DIAPH2: variants seen among roughly 807,000 people sequenced by gnomAD.
DIAPH2 encodes the protein protein diaphanous homolog 2.
A neutral mutation model predicts 92.7 loss-of-function variants in DIAPH2; 35 were observed. The observed-to-expected ratio is 0.38, with a 90% confidence interval of 0.29 to 0.50. The LOEUF (loss-of-function observed/expected upper bound fraction) is 0.50, where lower values mean the gene tolerates loss of function less well. Ranked by LOEUF, DIAPH2 falls within the 20% of genes least tolerant of loss-of-function variation. DIAPH2 has a pLI of 0.94. For synonymous variants in DIAPH2, 301 were observed against 280.4 expected (o/e 1.07, Z -0.73); for missense variants, 701 against 819.5 (o/e 0.86, Z 1.77).
chrX:97,421,483 C>T (rs1374928426), intron 25 of DIAPH2, among the ~76,000 whole-genome samples: 1 of 111,715 alleles, frequency 9.0e-6, no homozygotes, highest in East Asian at 2.8e-4. Flanking sequence ...GAATCTAGCA[C>T]TGGTTTTTCT....
At chrX:97,435,341 A>G (rs1377818874) in intron 26 of DIAPH2, among the ~76,000 whole-genome samples, 1 of 111,490 alleles carries the variant, frequency 9.0e-6, no homozygotes, top group Non-Finnish European at 1.9e-5. Context: ...TACAAAATCA[A>G]ACGGGAGCCT....
chrX:97,294,856 G>C (rs957413896), intron 23 of DIAPH2, among the ~76,000 whole-genome samples: 10 of 111,528 alleles, frequency 9.0e-5, no homozygotes, highest in Admixed American at 3.9e-4. Context: ...TCTTGCTTTT[G>C]TGTACGAAAC....
intron 4 of DIAPH2, among the ~76,000 whole-genome samples, chrX:96,791,441 G>A (rs1264848099): frequency 9.1e-6 from 1 of 110,491 alleles, no homozygotes; most frequent in Non-Finnish European, 1.9e-5. Flanking sequence ...GGGAGGCTGA[G>A]GCATGAGGAT....
At chrX:96,713,297 T>TTG (rs1192325960) in intron 1 of DIAPH2, among the ~76,000 whole-genome samples, 1 of 111,129 alleles carries the variant, frequency 9.0e-6, no homozygotes, top group Non-Finnish European at 1.9e-5. Flanking sequence ...GCCTCAAGGA[T>TTG]TGTGTGTGTG....
chrX:97,028,215 G>A (rs965601447), intron 17 of DIAPH2, among the ~76,000 whole-genome samples: 2 of 110,715 alleles, frequency 1.8e-5, no homozygotes, highest in African/African-American at 6.6e-5. Context: ...TCAATATGAT[G>A]TCAATATCCA....
At chrX:97,485,513 A>G (rs750891601) in intron 26 of DIAPH2, among the ~76,000 whole-genome samples, 1 of 112,866 alleles carries the variant, frequency 8.9e-6, no homozygotes, top group Non-Finnish European at 1.9e-5. Flanking sequence ...TGAAAATGTT[A>G]TCAACTTTTG....
At chrX:97,218,281 G>A (rs756356847) in intron 22 of DIAPH2, among the ~76,000 whole-genome samples, 1 of 110,304 alleles carries the variant, frequency 9.1e-6, no homozygotes, top group East Asian at 2.9e-4. Context: ...GTAGAGACAG[G>A]GTTTCACCAT....
intron 23 of DIAPH2, among the ~76,000 whole-genome samples, chrX:97,265,195 A>C (rs991542799): frequency 9.0e-6 from 1 of 111,633 alleles, no homozygotes; most frequent in Admixed American, 9.6e-5. Flanking sequence ...CTCTCTCACT[A>C]TGAAGCTGGG....
At chrX:96,938,112 A>G (rs1322848190) in intron 11 of DIAPH2, among the ~76,000 whole-genome samples, 1 of 110,471 alleles carries the variant, frequency 9.1e-6, no homozygotes, top group African/African-American at 3.3e-5. Flanking sequence ...TGGAAGTAAT[A>G]TTCCCCTCCT....
chrX:97,169,268 G>A (rs887086794), intron 22 of DIAPH2, among the ~76,000 whole-genome samples: 2 of 111,724 alleles, frequency 1.8e-5, no homozygotes, highest in African/African-American at 6.5e-5. Flanking sequence ...GCAAGAGGAA[G>A]CGTATTAGGA....
At chrX:97,487,698 A>G (rs1241438361) in intron 26 of DIAPH2, among the ~76,000 whole-genome samples, 2 of 111,670 alleles carry the variant, frequency 1.8e-5, no homozygotes, top group Non-Finnish European at 3.8e-5. Flanking sequence ...ATTCCCACTA[A>G]CAGTTGTATA....
chrX:96,803,519 T>G (rs2147651511), intron 4 of DIAPH2, among the ~76,000 whole-genome samples: 1 of 111,742 alleles, frequency 8.9e-6, no homozygotes, highest in African/African-American at 3.2e-5. Context: ...CTGAACTGAT[T>G]TTCATTCTCA....
chrX:97,141,947 G>C (rs1265964888), intron 22 of DIAPH2, among the ~76,000 whole-genome samples, 153 bp downstream of exon 22: 1 of 111,921 alleles, frequency 8.9e-6, no homozygotes, highest in Non-Finnish European at 1.9e-5. Flanking sequence ...GCTTATATTT[G>C]ACAGCATACT....
chrX:97,140,908 A>G (rs1227262046), intron 21 of DIAPH2, among the ~76,000 whole-genome samples: 1 of 111,589 alleles, frequency 9.0e-6, no homozygotes, highest in Non-Finnish European at 1.9e-5. Flanking sequence ...AGAAAACTTG[A>G]TACTTTATGC....
intron 23 of DIAPH2, among the ~76,000 whole-genome samples, chrX:97,288,889 C>T (rs1311000711): frequency 9.0e-6 from 1 of 111,309 alleles, no homozygotes; most frequent in African/African-American, 3.3e-5. Context: ...ATTTCAGGTG[C>T]CCCATTTTAA....
intron 23 of DIAPH2, among the ~76,000 whole-genome samples, chrX:97,293,243 CTTTTT>C (rs1184478622): frequency 1.6e-5 from 1 of 63,216 alleles, no homozygotes; most frequent in African/African-American, 6.4e-5. Context: ...ATATTTCTTT[CTTTTT>C]TTTTTTTTTT....
intron 22 of DIAPH2, among the ~76,000 whole-genome samples, chrX:97,176,505 GTTTGTTTTGTTTTGT>G (rs150874105): frequency 1.4e-3 from 147 of 103,906 alleles, no homozygotes; most frequent in African/African-American, 4.6e-3. Context: ...GTGTTTTTTT[GTTTGTTTTGTTTTGT>G]TTTGTTTTGT....
chrX:97,265,044 T>C (rs1432594161), intron 23 of DIAPH2, among the ~76,000 whole-genome samples: 3 of 112,084 alleles, frequency 2.7e-5, no homozygotes, highest in Non-Finnish European at 5.6e-5. Context: ...AACCCTTTTA[T>C]TGCATTTAAT....
intron 23 of DIAPH2, among the ~76,000 whole-genome samples, chrX:97,298,448 A>G (rs1231080905): frequency 9.1e-6 from 1 of 109,627 alleles, no homozygotes; most frequent in Non-Finnish European, 1.9e-5. Flanking sequence ...GAGTTCCATG[A>G]TAAGATTTAA....
Sources: gnomAD v4.1 joint callset for allele counts (sites outside exome capture counted in the v4.1 genomes callset) on GRCh38, gnomAD v4.1.1 for gene constraint, MANE v1.5 for transcripts, NCBI Gene and HGNC (gene_info 2026-07-23, HGNC 2026-07-21) for gene names.